PRDM10: variants seen among roughly 807,000 people sequenced by gnomAD.
PRDM10 encodes PR/SET domain 10.
In PRDM10, 65 loss-of-function variants were observed where a neutral mutation model predicts 133.1. That is an observed-to-expected ratio of 0.49 (90% CI 0.40 to 0.60). The LOEUF (loss-of-function observed/expected upper bound fraction) is 0.60. PRDM10 is among the 20% of genes least tolerant of loss of function. The probability of loss-of-function intolerance (pLI) is 0.00; values close to 1 mark genes in which losing one functional copy is unlikely to be tolerated. For synonymous variants in PRDM10, 582 were observed against 580.4 expected (o/e 1.00, Z -0.04); for missense variants, 1,137 against 1,507.1 (o/e 0.75, Z 4.07).
At chr11:129,975,529 C>T (rs1351031829) in intron 1 of PRDM10, among the ~76,000 whole-genome samples, 3 of 152,142 alleles carry the variant, frequency 2.0e-5, no homozygotes, top group African/African-American at 7.2e-5. Context: ...CTGGAGATGG[C>T]CCTGGTAGTA....
chr11:129,962,977 C>T (rs1951825200), intron 1 of PRDM10, among the ~76,000 whole-genome samples: 1 of 151,886 alleles, frequency 6.6e-6, no homozygotes, highest in South Asian at 2.1e-4. Flanking sequence ...GGTGAAACCC[C>T]ATCTCTACAA....
In PRDM10 at chr11:129,906,427, C is replaced by T. The variant is rs185667475; in HGVS notation, c.3164-686G>A. 4.9e-3 allele frequency among the ~76,000 whole-genome samples: 747 copies of T among 152,290 alleles called. 6 individuals are homozygous for T. Among genetic ancestry groups the T allele is most frequent in the Non-Finnish European group, 7.2e-3 (489 of 68,024 alleles). On this transcript the variant is annotated intron_variant, in intron 19 of 20. Coordinates refer to ENST00000360871, the MANE Select transcript of PRDM10 (RefSeq NM_199437.2). ...ACTCGAGCATGGGTAAGGATCACACCTGCAATCGGCTGAAACACACCAGGC... is the reference window on the plus strand; with the variant it reads ...ACTCGAGCATGGGTAAGGATCACACTTGCAATCGGCTGAAACACACCAGGC...
intron 1 of PRDM10, among the ~76,000 whole-genome samples, chr11:129,981,527 C>T (rs1396046570): frequency 6.6e-6 from 1 of 152,066 alleles, no homozygotes; most frequent in African/African-American, 2.4e-5. Context: ...CTGTGGACAC[C>T]TTTTCAGACA....
At chr11:129,938,300 T>C (rs565319869) in intron 7 of PRDM10, among the ~76,000 whole-genome samples, 1 of 152,332 alleles carries the variant, frequency 6.6e-6, no homozygotes, top group Admixed American at 6.5e-5. Context: ...TGTGTTTGAC[T>C]GGATGTTTTA....
intron 2 of PRDM10, among the ~76,000 whole-genome samples, chr11:129,959,204 T>C (rs1432293542): frequency 1.3e-5 from 2 of 152,136 alleles, no homozygotes; most frequent in African/African-American, 4.8e-5. Flanking sequence ...CAAAATGTAA[T>C]CAAACACCAC....
At chr11:129,939,031 T>C (rs1951124561) in intron 7 of PRDM10, among the ~76,000 whole-genome samples, 1 of 152,234 alleles carries the variant, frequency 6.6e-6, no homozygotes, top group Admixed American at 6.5e-5. Context: ...CATTCCATAG[T>C]TCTCAGCCTC....
intron 1 of PRDM10, among the ~76,000 whole-genome samples, chr11:129,991,325 C>T (rs2135993843): frequency 6.6e-6 from 1 of 152,336 alleles, no homozygotes; most frequent in East Asian, 1.9e-4. Context: ...TGGGTTCTCT[C>T]TTAACTGATG....
At chr11:129,935,515 A>G (rs140282032) in intron 8 of PRDM10, among the ~76,000 whole-genome samples, 74 of 152,280 alleles carry the variant, frequency 4.9e-4, no homozygotes, top group Non-Finnish European at 7.9e-4. Context: ...CCGAAAACAC[A>G]TAAGATGTTA....
chr11:129,944,468 C>T lies in PRDM10; in HGVS notation c.762+303G>A, dbSNP rs373440804. The stretch of plus-strand genomic sequence containing the variant: ...GGCGTGGTGGCGGGCGCCTGTAGTC[C>T]CAGCTACTCGGGAGGCTGAGGCAGG... On this transcript the variant is annotated intron_variant, in intron 6 of 20. Transcript: ENST00000360871. Among the ~76,000 whole-genome samples, 33 of 151,938 alleles carry T rather than the reference C, an allele frequency of 2.2e-4. No homozygotes were observed. In the East Asian group the frequency reaches 2.7e-3, roughly 12 times the overall value.
chr11:129,961,628 A>G (rs930695242), intron 1 of PRDM10, among the ~76,000 whole-genome samples: 2 of 150,488 alleles, frequency 1.3e-5, no homozygotes, highest in African/African-American at 4.9e-5. Context: ...TTGGGAGGCC[A>G]AGATGGAAGG....
In PRDM10 at chr11:129,942,333, TAAACAAA is replaced by T; in HGVS notation, c.966+86_966+92del. ...AATGACCCCCCTCCCCCTTTTTTGT[TAAACAAA>T]CCCACTTTAGGAAAATAAAATTGCA... On this transcript the variant is annotated intron_variant, in intron 7 of 20. Transcript: ENST00000360871. The T allele has an allele frequency of 5.8e-6, 8 of 1,378,158 alleles. No homozygotes were observed. The Admixed American group carries it at 1.1e-4, about 20-fold the overall frequency. 85.4% of individuals were successfully genotyped at this position (1,378,158 alleles called of 1,614,324 possible).
chr11:129,980,917 G>A (rs1456838117), intron 1 of PRDM10, among the ~76,000 whole-genome samples: 1 of 144,094 alleles, frequency 6.9e-6, no homozygotes, highest in Admixed American at 7.1e-5. Flanking sequence ...TGTTGCCCAG[G>A]CTGAAGTGCA....
intron 1 of PRDM10, among the ~76,000 whole-genome samples, chr11:129,969,576 T>C (rs1208214555): frequency 6.6e-6 from 1 of 151,556 alleles, no homozygotes; most frequent in Non-Finnish European, 1.5e-5. Flanking sequence ...GGCGGATCAC[T>C]TGAGGAGAGT....
At chr11:129,906,871 A>G (rs1591566512) in intron 19 of PRDM10, among the ~76,000 whole-genome samples, 1 of 152,134 alleles carries the variant, frequency 6.6e-6, no homozygotes, top group East Asian at 1.9e-4. Context: ...CCAGCTACTC[A>G]GGAGTCTGAG....
chr11:129,931,571 A>ATTTTTTT (rs200453898), intron 10 of PRDM10, among the ~76,000 whole-genome samples: 39 of 135,464 alleles, frequency 2.9e-4, no homozygotes, highest in Non-Finnish European at 5.0e-4. Flanking sequence ...ATTTTATTTT[A>ATTTTTTT]TTTTATTTTT....
At chr11:129,939,327 GAAAT>G (rs1397362359) in intron 7 of PRDM10, among the ~76,000 whole-genome samples, 1 of 152,126 alleles carries the variant, frequency 6.6e-6, no homozygotes, top group Non-Finnish European at 1.5e-5. Context: ...TAAATATATG[GAAAT>G]ATTTATAAAG....
At chr11:129,972,154 G>A (rs540299895) in intron 1 of PRDM10, among the ~76,000 whole-genome samples, 169 of 152,330 alleles carry the variant, frequency 1.1e-3, no homozygotes, top group African/African-American at 4.0e-3. Context: ...CAGAACTCCA[G>A]CTGGCCCGCA....
intron 8 of PRDM10, among the ~76,000 whole-genome samples, chr11:129,935,952 C>T (rs1158822431): frequency 6.6e-6 from 1 of 152,162 alleles, no homozygotes; most frequent in African/African-American, 2.4e-5. Flanking sequence ...TGCTTCAGAG[C>T]AGGGACAGGC....
At chr11:129,941,243 C>T (rs1951194606) in intron 7 of PRDM10, among the ~76,000 whole-genome samples, 1 of 152,138 alleles carries the variant, frequency 6.6e-6, no homozygotes. Context: ...TCATTTATAT[C>T]AGGAAGCTAA....
Sources: gnomAD v4.1 joint callset for allele counts (sites outside exome capture counted in the v4.1 genomes callset) on GRCh38, gnomAD v4.1.1 for gene constraint, MANE v1.5 for transcripts, NCBI Gene and HGNC (gene_info 2026-07-23, HGNC 2026-07-21) for gene names.